Variants in SNTG1 observed in about 807,000 individuals in gnomAD.
SNTG1 encodes gamma-1-syntrophin.
In SNTG1, 39 loss-of-function variants were observed where a neutral mutation model predicts 74.7. The observed-to-expected ratio is 0.52, with a 90% CI of 0.40 to 0.68. The LOEUF is 0.68. Among genes scored for constraint, SNTG1 ranks in the 30% least tolerant of loss-of-function variants. The pLI is 0.00. For missense variants in SNTG1, 685 were observed against 609.5 expected (o/e 1.12, Z -1.30); for synonymous variants, 254 against 217.1 (o/e 1.17, Z -1.49).
At chr8:49,921,645 T>C (rs1806557187) in intron 1 of SNTG1, among the ~76,000 whole-genome samples, 1 of 152,122 alleles carries the variant, frequency 6.6e-6, no homozygotes, top group African/African-American at 2.4e-5. Context: ...ATGAGTGCTT[T>C]GTTGCATTTG....
chr8:50,267,641 C>T (rs2087550615), intron 2 of SNTG1, among the ~76,000 whole-genome samples: 1 of 152,076 alleles, frequency 6.6e-6, no homozygotes, highest in African/African-American at 2.4e-5. Context: ...GACAGCAAGG[C>T]TTATTCAAAA....
intron 1 of SNTG1, among the ~76,000 whole-genome samples, chr8:49,946,505 C>T (rs1478771471): frequency 6.6e-6 from 1 of 152,164 alleles, no homozygotes; most frequent in Non-Finnish European, 1.5e-5. Context: ...TTGAAAGGCA[C>T]TGGTTTTAAC....
At chr8:49,919,774 T>A (rs1806367460) in intron 1 of SNTG1, among the ~76,000 whole-genome samples, 2 of 152,114 alleles carry the variant, frequency 1.3e-5, no homozygotes, top group African/African-American at 4.8e-5. Flanking sequence ...TTTTAAATGA[T>A]ATTTCCTTAT....
chr8:50,653,285 A>T (rs547617909), intron 13 of SNTG1, among the ~76,000 whole-genome samples: 1 of 152,214 alleles, frequency 6.6e-6, no homozygotes, highest in South Asian at 2.1e-4. Flanking sequence ...CTCTACAAAA[A>T]TTAGCCAGAA....
intron 2 of SNTG1, among the ~76,000 whole-genome samples, chr8:50,307,623 T>C (rs2089954975): frequency 1.3e-5 from 2 of 152,186 alleles, no homozygotes; most frequent in Admixed American, 1.3e-4. Context: ...ATCTTCATTT[T>C]ACTTTTCATC....
chr8:50,479,833 T>G (rs906820577), intron 8 of SNTG1, among the ~76,000 whole-genome samples: 2 of 152,190 alleles, frequency 1.3e-5, no homozygotes, highest in African/African-American at 2.4e-5. Context: ...AAAACCTGAA[T>G]TGTTTTCTAT....
chr8:50,780,651 C>A (rs1323208446), intron 18 of SNTG1, among the ~76,000 whole-genome samples: 1 of 152,170 alleles, frequency 6.6e-6, no homozygotes, highest in African/African-American at 2.4e-5. Flanking sequence ...TTTCAAAAAA[C>A]CAGCTCCTGG....
intron 1 of SNTG1, among the ~76,000 whole-genome samples, chr8:50,051,452 G>C (rs914279461): frequency 6.6e-6 from 1 of 152,076 alleles, no homozygotes; most frequent in Non-Finnish European, 1.5e-5. Context: ...TAATGAAAAA[G>C]TGCAAACATG....
intron 12 of SNTG1, among the ~76,000 whole-genome samples, chr8:50,585,615 A>G (rs1014762106): frequency 1.3e-5 from 2 of 152,148 alleles, no homozygotes; most frequent in African/African-American, 4.8e-5. Context: ...TTATTTGGAA[A>G]TAGTATTACT....
At chr8:50,099,990 G>A (rs1044597971) in intron 1 of SNTG1, among the ~76,000 whole-genome samples, 1 of 151,876 alleles carries the variant, frequency 6.6e-6, no homozygotes, top group East Asian at 1.9e-4. Context: ...AATCCCATTT[G>A]TCTGTTTTTG....
At chr8:50,769,387 C>A (rs981852743) in intron 18 of SNTG1, among the ~76,000 whole-genome samples, 13 of 151,774 alleles carry the variant, frequency 8.6e-5, no homozygotes, top group Admixed American at 6.6e-5. Context: ...TTTTGAAAAT[C>A]AGAATTTTAA....
chr8:50,104,584 T>A (rs2080290663), intron 1 of SNTG1, among the ~76,000 whole-genome samples: 1 of 152,164 alleles, frequency 6.6e-6, no homozygotes, highest in African/African-American at 2.4e-5. Flanking sequence ...CTGATTTTAG[T>A]TATTTTTCGC....
intron 13 of SNTG1, among the ~76,000 whole-genome samples, chr8:50,655,987 A>T (rs1404646737): frequency 6.6e-6 from 1 of 152,116 alleles, no homozygotes; most frequent in Non-Finnish European, 1.5e-5. Context: ...ACAAGATACT[A>T]AGCTAACTCT....
At chr8:50,600,136 A>T (rs1421585695) in intron 13 of SNTG1, among the ~76,000 whole-genome samples, 1 of 152,102 alleles carries the variant, frequency 6.6e-6, no homozygotes, top group East Asian at 1.9e-4. Flanking sequence ...CCATTGTTGA[A>T]TCTCTGTGAT....
chr8:50,427,251 C>T (rs2093175020), intron 4 of SNTG1, among the ~76,000 whole-genome samples: 2 of 152,094 alleles, frequency 1.3e-5, no homozygotes, highest in South Asian at 4.1e-4. Flanking sequence ...TATTATTTAA[C>T]AACAATCTAA....
chr8:50,110,062 G>T (rs1239749803), intron 1 of SNTG1, among the ~76,000 whole-genome samples: 1 of 152,128 alleles, frequency 6.6e-6, no homozygotes, highest in African/African-American at 2.4e-5. Flanking sequence ...CTATCTAATG[G>T]CTGTGTTTTT....
intron 2 of SNTG1, among the ~76,000 whole-genome samples, chr8:50,177,499 G>T (rs1314723864): frequency 6.6e-6 from 1 of 152,170 alleles, no homozygotes; most frequent in Admixed American, 6.5e-5. Context: ...CGGAGGAGGA[G>T]TTACAGCTGT....
At chr8:50,556,610 G>C (rs941789337) in intron 12 of SNTG1, among the ~76,000 whole-genome samples, 6 of 152,042 alleles carry the variant, frequency 3.9e-5, no homozygotes, top group Admixed American at 6.6e-5. Context: ...AATAATTGAA[G>C]ACTTTAAAAT....
At chr8:50,463,333 T>G (rs529075606) in intron 8 of SNTG1, among the ~76,000 whole-genome samples, 1 of 152,296 alleles carries the variant, frequency 6.6e-6, no homozygotes, top group East Asian at 1.9e-4. Context: ...TTAAATCAAC[T>G]TGGCCCAGAT....
Sources: gnomAD v4.1 joint callset for allele counts (sites outside exome capture counted in the v4.1 genomes callset) on GRCh38, gnomAD v4.1.1 for gene constraint, MANE v1.5 for transcripts, NCBI Gene and HGNC (gene_info 2026-07-23, HGNC 2026-07-21) for gene names.